CNTNAP5: variants seen among roughly 807,000 people sequenced by gnomAD.
The protein encoded by CNTNAP5 is contactin-associated protein-like 5.
CNTNAP5 carries 72 observed loss-of-function variants against 150.2 expected under a neutral mutation model. That is an observed-to-expected ratio of 0.48 (90% CI 0.40 to 0.58). The LOEUF is 0.58. Among genes scored for constraint, CNTNAP5 ranks in the 20% least tolerant of loss-of-function variants. CNTNAP5 has a pLI of 0.00. For synonymous variants in CNTNAP5, 672 were observed against 619.8 expected, an observed-to-expected ratio of 1.08 and a Z score of -1.25; for missense variants, 1,636 against 1,626.2, an observed-to-expected ratio of 1.01 and a Z score of -0.10.
chr2:124,258,469 C>T (rs976633448), intron 3 of CNTNAP5, among the ~76,000 whole-genome samples: 1 of 152,242 alleles, frequency 6.6e-6, no homozygotes, highest in Non-Finnish European at 1.5e-5. Context: ...AAGAGCTGGA[C>T]AAATGCATGA....
At chr2:124,846,670 G>A (rs1683054103) in intron 19 of CNTNAP5, among the ~76,000 whole-genome samples, 2 of 152,130 alleles carry the variant, frequency 1.3e-5, no homozygotes, top group South Asian at 4.1e-4. Flanking sequence ...TGCCTTAATT[G>A]TTTTACTGAT....
intron 1 of CNTNAP5, among the ~76,000 whole-genome samples, chr2:124,199,562 T>A (rs1307437923): frequency 6.6e-6 from 1 of 151,966 alleles, no homozygotes; most frequent in Non-Finnish European, 1.5e-5. Flanking sequence ...ATTACAGGCA[T>A]GTGCCACCAC....
intron 8 of CNTNAP5, among the ~76,000 whole-genome samples, chr2:124,509,694 T>C (rs1694511256): frequency 6.6e-6 from 1 of 152,228 alleles, no homozygotes; most frequent in African/African-American, 2.4e-5. Flanking sequence ...CCATATTCAT[T>C]GTGCATACTG....
rs1696606266 is a variant in CNTNAP5 at position 124,588,469 on chromosome 2, TAGAAGGTGTGTGTGCCCACTGA to T, written c.1757-21331_1757-21310del. Among the ~76,000 whole-genome samples the T allele has an allele frequency of 2.6e-5, 4 of 151,956 alleles. No homozygotes were observed. In the South Asian group the frequency reaches 8.3e-4, roughly 32 times the overall value. On this transcript the variant is annotated intron_variant, in intron 11 of 23. Coordinates refer to ENST00000682447, the MANE Select transcript of CNTNAP5 (RefSeq NM_001367498.1). ...GAACATACTCAGGGAACCAATACTT[TAGAAGGTGTGTGTGCCCACTGA>T]GAAGGTTCAAGCCTTGCCGTATCTT... is the stretch of plus-strand genomic sequence containing the variant.
chr2:124,356,252 C>A (rs946173674), intron 3 of CNTNAP5, among the ~76,000 whole-genome samples: 1 of 150,922 alleles, frequency 6.6e-6, no homozygotes, highest in Non-Finnish European at 1.5e-5. Flanking sequence ...ATTATCTTAA[C>A]ACTTTACTTT....
At chr2:124,403,452 T>A (rs1034221615) in intron 3 of CNTNAP5, among the ~76,000 whole-genome samples, 3 of 152,206 alleles carry the variant, frequency 2.0e-5, no homozygotes, top group Non-Finnish European at 2.9e-5. Flanking sequence ...AAGTTTTTTT[T>A]ATGTTTCTTT....
chr2:124,779,695 G>A (rs1476419310), intron 17 of CNTNAP5, among the ~76,000 whole-genome samples: 6 of 152,076 alleles, frequency 3.9e-5, no homozygotes, highest in African/African-American at 1.2e-4. Flanking sequence ...AGTTTGCATG[G>A]TTTTGCTTCA....
intron 1 of CNTNAP5, among the ~76,000 whole-genome samples, chr2:124,043,686 A>G (rs901701755): frequency 6.6e-6 from 1 of 152,148 alleles, no homozygotes; most frequent in Non-Finnish European, 1.5e-5. Context: ...CTACAATGTG[A>G]TGGTCATAAG....
chr2:124,302,390 C>T (rs1250433833), intron 3 of CNTNAP5, among the ~76,000 whole-genome samples: 2 of 152,164 alleles, frequency 1.3e-5, no homozygotes, highest in Non-Finnish European at 2.9e-5. Flanking sequence ...TTTAAATAAA[C>T]AGAAATGCAT....
intron 3 of CNTNAP5, among the ~76,000 whole-genome samples, chr2:124,260,405 A>C (rs1328721386): frequency 2.0e-5 from 3 of 152,246 alleles, no homozygotes; most frequent in African/African-American, 7.2e-5. Context: ...ACCTAAAACC[A>C]TAAAATCCCT....
In CNTNAP5 at chr2:124,236,090, C is replaced by T. The variant is rs141828012; in HGVS notation, c.188-6110C>T. On this transcript the variant is annotated intron_variant, in intron 2 of 23. Transcript: ENST00000682447. ...AAGTGATTCTCCTGCCTCAGCCTCC[C>T]GAGTAGCTGGGATTACAGGCACACA... 4.1e-3 allele frequency among the ~76,000 whole-genome samples: 627 copies of T among 152,126 alleles called. 5 individuals are homozygous for T. Among genetic ancestry groups the T allele is most frequent in the African/African-American group, 0.014 (581 of 41,518 alleles).
chr2:124,724,540 A>G (rs1573575000), intron 13 of CNTNAP5, among the ~76,000 whole-genome samples: 1 of 152,146 alleles, frequency 6.6e-6, no homozygotes, highest in South Asian at 2.1e-4. Context: ...CCTATGCTCA[A>G]ATCACCATAA....
chr2:124,429,855 G>A (rs138790774), intron 4 of CNTNAP5, among the ~76,000 whole-genome samples: 1 of 152,232 alleles, frequency 6.6e-6, no homozygotes, highest in East Asian at 1.9e-4. Context: ...GGAACTCAGG[G>A]GAGACTTGGG....
intron 14 of CNTNAP5, among the ~76,000 whole-genome samples, chr2:124,754,626 C>T (rs773900928): frequency 6.6e-6 from 1 of 152,130 alleles, no homozygotes; most frequent in Non-Finnish European, 1.5e-5. Context: ...TTAAAGTATA[C>T]ATTCTGGAGT....
intron 3 of CNTNAP5, among the ~76,000 whole-genome samples, chr2:124,280,886 C>G (rs1017076659): frequency 6.6e-6 from 1 of 152,094 alleles, no homozygotes; most frequent in Non-Finnish European, 1.5e-5. Flanking sequence ...GTTATTGTAC[C>G]TTGCTTTAAC....
At chr2:124,681,456 C>T (rs564646685) in intron 13 of CNTNAP5, among the ~76,000 whole-genome samples, 217 of 152,230 alleles carry the variant, frequency 1.4e-3, no homozygotes, top group African/African-American at 5.0e-3. Flanking sequence ...CTTGTTGTTG[C>T]GTGTTCATGT....
At chr2:124,619,010 T>C (rs375102128) in intron 12 of CNTNAP5, among the ~76,000 whole-genome samples, 18 of 152,298 alleles carry the variant, frequency 1.2e-4, no homozygotes, top group African/African-American at 4.3e-4. Context: ...AGGTACTCAA[T>C]TTATAAACAA....
intron 5 of CNTNAP5, among the ~76,000 whole-genome samples, chr2:124,437,778 G>C (rs1019053593): frequency 6.6e-6 from 1 of 152,114 alleles, no homozygotes; most frequent in African/African-American, 2.4e-5. Flanking sequence ...AAATACAGGA[G>C]AGGTGAGAGA....
intron 3 of CNTNAP5, among the ~76,000 whole-genome samples, chr2:124,405,380 T>C (rs992867931): frequency 2.6e-5 from 4 of 152,298 alleles, no homozygotes; most frequent in Non-Finnish European, 4.4e-5. Context: ...GTGCCTGGCA[T>C]GGAGGAGACC....
Sources: gnomAD v4.1 joint callset for allele counts (sites outside exome capture counted in the v4.1 genomes callset) on GRCh38, gnomAD v4.1.1 for gene constraint, MANE v1.5 for transcripts, NCBI Gene and HGNC (gene_info 2026-07-23, HGNC 2026-07-21) for gene names.